PODN: variants seen among roughly 807,000 people sequenced by gnomAD.
The protein encoded by PODN is podocan proteoglycan.
Under a neutral mutation model 52.7 loss-of-function variants are expected in PODN, and 40 were observed. The observed-to-expected ratio is 0.76, with a 90% confidence interval of 0.59 to 0.99. The LOEUF (loss-of-function observed/expected upper bound fraction) is 0.99, where lower values mean the gene tolerates loss of function less well. Ranked by LOEUF, PODN falls within the 50% of genes least tolerant of loss-of-function variation. The pLI is 0.00. For missense variants in PODN, 720 were observed against 815.1 expected (o/e 0.88, Z 1.42); for synonymous variants, 396 against 377.9 (o/e 1.05, Z -0.56).
intron 10 of PODN, among the ~76,000 whole-genome samples, chr1:53,084,175 A>G (rs1405097689): frequency 6.6e-6 from 1 of 151,510 alleles, no homozygotes; most frequent in Non-Finnish European, 1.5e-5. Context: ...GTCCTCACAC[A>G]GAGTTGGGGT....
In PODN at chr1:53,062,293, C is replaced by T. The variant is rs550485555; in HGVS notation, c.-71C>T. 1 of 1,258,148 alleles carries T rather than the reference C, an allele frequency of 7.9e-7. No individual in the cohort carries two copies. Among genetic ancestry groups the T allele is most frequent in the Non-Finnish European group, 1.0e-6 (1 of 994,424 alleles). 77.9% of individuals were successfully genotyped at this position (1,258,148 alleles called of 1,614,324 possible). A position where few individuals can be genotyped will look rare whatever the true frequency, so the allele number is the denominator to read the frequency against. Reference sequence around the variant, plus strand: ...GTTCGGCCTGTGGGGCGCCGCTCGGCGCCGGGGCGCAGCAGGTACAGGGCG... The same window carrying T: ...GTTCGGCCTGTGGGGCGCCGCTCGGTGCCGGGGCGCAGCAGGTACAGGGCG... On this transcript the variant is annotated 5_prime_UTR_variant, in exon 1 of 11. Coordinates refer to ENST00000312553, the MANE Select transcript of PODN (RefSeq NM_153703.5).
intron 7 of PODN, among the ~76,000 whole-genome samples, chr1:53,078,001 T>A (rs1644221993): frequency 6.6e-6 from 1 of 152,130 alleles, no homozygotes; most frequent in Non-Finnish European, 1.5e-5. Flanking sequence ...CTTCCAAGAT[T>A]CCAGTGAGGC....
At chr1:53,074,574 C>T (rs1366208355) in intron 3 of PODN, 32 bp from the exon 4 acceptor site, 1 of 1,613,058 alleles carries the variant, frequency 6.2e-7, no homozygotes, top group Non-Finnish European at 8.5e-7. Context: ...TCTCCTCCAT[C>T]CAGGGCTCTG....
intron 6 of PODN, 77 bp from the exon 7 acceptor site, chr1:53,077,608 T>C: frequency 1.4e-6 from 2 of 1,408,284 alleles, no homozygotes; most frequent in Non-Finnish European, 2.0e-6. Flanking sequence ...CAGACTCCTC[T>C]CCACACCTCA....
chr1:53,078,264 G>A, intron 7 of PODN, 101 bp from the exon 8 acceptor site: 2 of 1,204,404 alleles, frequency 1.7e-6, no homozygotes. Context: ...AGAGCTGGGA[G>A]GAGCTAGTGG....
At chr1:53,081,210 G>C (rs954236837) in intron 9 of PODN, among the ~76,000 whole-genome samples, 2 of 152,208 alleles carry the variant, frequency 1.3e-5, no homozygotes, top group Non-Finnish European at 2.9e-5. Context: ...GGCTGGGTCC[G>C]GGCCTCACAC....
At chr1:53,075,829 T>C (rs1249830144) in intron 4 of PODN, 33 bp from the exon 5 acceptor site, 2 of 1,546,768 alleles carry the variant, frequency 1.3e-6, no homozygotes, top group Admixed American at 1.9e-5. Context: ...TGCTCCTCCA[T>C]TGCTCTTTCG....
At chr1:53,080,897 C>G in intron 9 of PODN, 21 bp downstream of exon 9, 1 of 1,612,640 alleles carries the variant, frequency 6.2e-7, no homozygotes, top group Non-Finnish European at 8.5e-7. Flanking sequence ...ACTCGCGGCC[C>G]TGTACACACC....
intron 5 of PODN, 152 bp downstream of exon 5, chr1:53,076,123 G>A (rs956339314): frequency 1.1e-5 from 7 of 664,928 alleles, no homozygotes; most frequent in Admixed American, 2.3e-5. Context: ...TAACAGAGGA[G>A]GACAACTCGG....
intron 1 of PODN, among the ~76,000 whole-genome samples, chr1:53,067,680 G>A (rs1207919789): frequency 6.6e-6 from 1 of 152,096 alleles, no homozygotes; most frequent in Non-Finnish European, 1.5e-5. Flanking sequence ...ACTTTGGGAG[G>A]CAAAGATGTG....
At chr1:53,068,043 A>G (rs573737497) in intron 1 of PODN, among the ~76,000 whole-genome samples, 1 of 152,220 alleles carries the variant, frequency 6.6e-6, no homozygotes, top group East Asian at 1.9e-4. Context: ...CCCATGGAAC[A>G]GACAATTAGT....
intron 6 of PODN, 78 bp from the exon 7 acceptor site, chr1:53,077,607 C>A: frequency 7.1e-7 from 1 of 1,403,712 alleles, no homozygotes; most frequent in Non-Finnish European, 9.8e-7. Flanking sequence ...CCAGACTCCT[C>A]TCCACACCTC....
intron 8 of PODN, among the ~76,000 whole-genome samples, chr1:53,079,721 T>C (rs962298981): frequency 3.3e-5 from 5 of 152,116 alleles, no homozygotes; most frequent in African/African-American, 7.2e-5. Context: ...ATCCACTCTA[T>C]ACGCTGGCTC....
At position 53,062,225 on chromosome 1, in the gene PODN, A is replaced by C. The variant is rs1174102808; in HGVS notation, c.-139A>C. ...GAGCGCCCAGCTTGACTTGAATGGA[A>C]GGAGCCCGAGCCCGCGGAGCGCAGC... is the stretch of plus-strand genomic sequence containing the variant. On this transcript the variant is annotated 5_prime_UTR_variant, in exon 1 of 11. Transcript: ENST00000312553. The C allele has an allele frequency of 1.6e-6, 2 of 1,272,944 alleles. No homozygotes were observed. Among genetic ancestry groups the C allele is most frequent in the Non-Finnish European group, 2.0e-6 (2 of 1,002,748 alleles). 78.9% of individuals were successfully genotyped at this position (1,272,944 alleles called of 1,614,324 possible).
At chr1:53,078,068 T>C (rs1316351724) in intron 7 of PODN, among the ~76,000 whole-genome samples, 1 of 152,206 alleles carries the variant, frequency 6.6e-6, no homozygotes, top group Admixed American at 6.5e-5. Flanking sequence ...CGGGCATTCT[T>C]GCTGAAGGCA....
chr1:53,075,783 G>A (rs562360764), intron 4 of PODN, 79 bp from the exon 5 acceptor site: 33 of 1,249,500 alleles, frequency 2.6e-5, no homozygotes, highest in African/African-American at 6.0e-5. Context: ...AAGGGGCCCC[G>A]GTGGGCAGCA....
chr1:53,063,360 G>T (rs1643987373), intron 1 of PODN: 2 of 985,860 alleles, frequency 2.0e-6, no homozygotes, highest in Non-Finnish European at 2.4e-6. Flanking sequence ...TTCGATTACC[G>T]GCTGGCCAGG....
chr1:53,072,889 C>G (rs1444274601), intron 3 of PODN: 1 of 152,824 alleles, frequency 6.5e-6, no homozygotes, highest in South Asian at 2.0e-4. Context: ...GGCAAAACCC[C>G]GTCTCTACTA....
At chr1:53,081,000 C>A in intron 9 of PODN, 124 bp downstream of exon 9, 1 of 1,337,142 alleles carries the variant, frequency 7.5e-7, no homozygotes, top group Non-Finnish European at 1.0e-6. Flanking sequence ...GCTCAGATCT[C>A]AAGGGTGGGG....
Sources: allele counts gnomAD v4.1 joint callset (sites outside exome capture counted in the v4.1 genomes callset), GRCh38; gene constraint gnomAD v4.1.1; transcripts MANE v1.5; gene names NCBI Gene and HGNC (gene_info 2026-07-23, HGNC 2026-07-21).